The following OTOG variants were observed in gnomAD, a reference collection of about 807,000 sequenced individuals.
OTOG encodes the protein otogelin.
OTOG carries 296 observed loss-of-function variants against 313.8 expected under a neutral mutation model. That is an observed-to-expected ratio of 0.94 (90% CI 0.86 to 1.04). The LOEUF is 1.04. Ranked by LOEUF, OTOG falls within the 50% of genes least tolerant of loss-of-function variation. The probability of loss-of-function intolerance (pLI) is 0.00; values close to 1 mark genes in which losing one functional copy is unlikely to be tolerated. For missense variants in OTOG, 3,948 were observed against 3,840.1 expected (o/e 1.03, Z -0.74); for synonymous variants, 1,533 against 1,554.9 (o/e 0.99, Z 0.33).
intron 51 of OTOG, among the ~76,000 whole-genome samples, chr11:17,641,578 A>C (rs1332611290): frequency 6.6e-6 from 1 of 152,186 alleles, no homozygotes; most frequent in Non-Finnish European, 1.5e-5. Context: ...ACTAAGACTC[A>C]AATGGAGGTC....
intron 11 of OTOG, 113 bp downstream of exon 11, chr11:17,559,274 C>A: frequency 1.0e-6 from 1 of 1,004,158 alleles, no homozygotes; most frequent in Non-Finnish European, 1.4e-6. Context: ...AACTCTCAGC[C>A]CCGAGGTTTT....
intron 12 of OTOG, 85 bp from the exon 13 acceptor site, chr11:17,560,624 A>T: frequency 1.1e-6 from 1 of 922,688 alleles, no homozygotes; most frequent in Non-Finnish European, 1.7e-6. Context: ...AGATAAGGGG[A>T]TCTTTATCAG....
Position 17,635,604 on chromosome 11 carries a change from C to G in OTOG, c.7694-6C>G. On this transcript the variant is annotated splice_polypyrimidine_tract_variant and splice_region_variant and intron_variant, in intron 46 of 55. Transcript: ENST00000399397. ...CTGTGACAGCATTGACCCTCTTCCC[C>G]CTCAGCCTGTGGTGACTGTCCAGAC... is the stretch of plus-strand genomic sequence containing the variant. 6.5e-7 allele frequency: 1 copy of G among 1,549,284 alleles called. No homozygotes were observed. The highest frequency in any genetic ancestry group is 1.2e-5 in the South Asian group (1 of 84,016).
chr11:17,560,955 G>C, intron 13 of OTOG, 136 bp from the exon 14 acceptor site: 2 of 1,221,384 alleles, frequency 1.6e-6, no homozygotes, highest in Admixed American at 2.0e-5. Flanking sequence ...AGTCTCATTA[G>C]ATCCAATCCA....
At chr11:17,638,813 T>C (rs971284232) in intron 48 of OTOG, 58 of 1,453,390 alleles carry the variant, frequency 4.0e-5, no homozygotes, top group Middle Eastern at 1.8e-4. Flanking sequence ...AAGTCCTTAC[T>C]GCGGCCGGGC....
chr11:17,606,496 C>T (rs1346414192), intron 33 of OTOG, among the ~76,000 whole-genome samples: 1 of 152,240 alleles, frequency 6.6e-6, no homozygotes, highest in Non-Finnish European at 1.5e-5. Context: ...GGTCACATGT[C>T]TGCCCCATGA....
chr11:17,560,476 TG>T (rs1852156901), intron 12 of OTOG, among the ~76,000 whole-genome samples: 1 of 152,024 alleles, frequency 6.6e-6, no homozygotes, highest in Admixed American at 6.5e-5. Flanking sequence ...GTGTGCAGGT[TG>T]GGGATGGGGT....
At position 17,572,214 on chromosome 11, in the gene OTOG, TG is replaced by T; in HGVS notation, c.2080+15del. On this transcript the variant is annotated intron_variant, in intron 18 of 55. Coordinates refer to ENST00000399397, the MANE Select transcript of OTOG (RefSeq NM_001292063.2). ...GTGCACCTGCAAGCCGGTGAGTTGG[TG>T]GGGGAAGAGGAGAGGCATGGTTGAG... 6.5e-7 allele frequency: 1 copy of T among 1,550,078 alleles called. No individual in the cohort carries two copies. Among genetic ancestry groups the T allele is most frequent in the Non-Finnish European group, 8.7e-7 (1 of 1,146,718 alleles).
chr11:17,624,176 T>C (rs898778315), intron 39 of OTOG, among the ~76,000 whole-genome samples: 6 of 152,230 alleles, frequency 3.9e-5, no homozygotes, highest in Non-Finnish European at 5.9e-5. Flanking sequence ...CATTTGTCAA[T>C]TTTTGCTTTT....
chr11:17,612,087 C>G (rs1853567597), intron 36 of OTOG, 75 bp from the exon 37 acceptor site: 4 of 1,507,652 alleles, frequency 2.7e-6, no homozygotes, highest in Non-Finnish European at 2.7e-6. Context: ...TGGGAAGGAT[C>G]TGGTGCCATC....
At chr11:17,574,029 A>G (rs1852462222) in intron 19 of OTOG, among the ~76,000 whole-genome samples, 1 of 152,222 alleles carries the variant, frequency 6.6e-6, no homozygotes, top group African/African-American at 2.4e-5. Context: ...TCGAGTATCA[A>G]CGAAGGCAAC....
At chr11:17,634,428 C>G (rs1854210048) in intron 44 of OTOG, 147 bp downstream of exon 44, 3 of 908,910 alleles carry the variant, frequency 3.3e-6, no homozygotes, top group East Asian at 2.7e-5. Context: ...GGAGAACCCT[C>G]CCTGGGGGCA....
Position 17,612,483 on chromosome 11 carries a change from C to G in OTOG, c.6293-137C>G, listed in dbSNP as rs543311097. ...CTTGTGACCTCTGATCTGTGTGATG[C>G]GTGGTCTGAGCCACCCTCCAGACCC... On this transcript the variant is annotated intron_variant, in intron 37 of 55. Coordinates refer to ENST00000399397, the MANE Select transcript of OTOG (RefSeq NM_001292063.2). 7 of 1,378,512 alleles carry G rather than the reference C, an allele frequency of 5.1e-6. No individual in the cohort carries two copies. In the South Asian group the frequency reaches 8.8e-5, roughly 17 times the overall value. The allele number at this position is 1,378,512 out of a possible 1,614,324, so 85.4% of individuals were successfully genotyped here. A position where few individuals can be genotyped will look rare whatever the true frequency, so the allele number is the denominator to read the frequency against.
intron 24 of OTOG, 93 bp from the exon 25 acceptor site, chr11:17,591,357 T>C: frequency 6.7e-7 from 1 of 1,492,194 alleles, no homozygotes; most frequent in Middle Eastern, 1.7e-4. Flanking sequence ...AGGGACACAG[T>C]GCACATGCAT....
intron 22 of OTOG, 124 bp downstream of exon 22, chr11:17,577,035 G>A (rs1330700424): frequency 7.2e-6 from 7 of 972,056 alleles, no homozygotes; most frequent in South Asian, 6.9e-5. Flanking sequence ...TGGGCCTTCC[G>A]TATTCCTTGC....
chr11:17,629,206 T>A lies in OTOG; in HGVS notation c.6602T>A (p.Met2201Lys), dbSNP rs1240227424. ...YGFRIEDTGH[M>K]YMILTPSDIQ... ...TTCAGAATTGAGGACACAGGCCACA[T>A]GTACATGATCCTGACTCCCTCAGAC... Residue 2201 changes from methionine to lysine, a missense_variant, in exon 40 of 56, where the codon ATG (methionine) becomes AAG (lysine). Met to Lys is a moderately conservative substitution (Grantham distance 95, BLOSUM62 -1). Transcript: ENST00000399397. 8.4e-6 allele frequency: 13 copies of A among 1,550,600 alleles called. No individual in the cohort carries two copies. Among genetic ancestry groups the A allele is most frequent in the Non-Finnish European group, 1.0e-5 (12 of 1,146,998 alleles).
intron 39 of OTOG, among the ~76,000 whole-genome samples, chr11:17,614,014 T>C (rs1271030442): frequency 6.6e-6 from 1 of 152,042 alleles, no homozygotes; most frequent in Non-Finnish European, 1.5e-5. Context: ...CTTTTGCAAT[T>C]TTCACAAAAA....
chr11:17,571,758 C>CGTGT (rs149158412), intron 17 of OTOG, among the ~76,000 whole-genome samples: 9 of 150,202 alleles, frequency 6.0e-5, no homozygotes, highest in East Asian at 5.9e-4. Context: ...TGTGTGTCTG[C>CGTGT]GTGTGTGTGT....
In OTOG at chr11:17,581,388, A is replaced by G. The variant is rs890769352; in HGVS notation, c.2759+2862A>G. On this transcript the variant is annotated intron_variant, in intron 23 of 55. Transcript: ENST00000399397. Reference sequence around the variant, plus strand: ...AGGAGGGGTGAGATGCATCGTGGAAACAGGGAGATTCAGTGAAAAGCAAGT... The same window carrying G: ...AGGAGGGGTGAGATGCATCGTGGAAGCAGGGAGATTCAGTGAAAAGCAAGT... 2.0e-4 allele frequency among the ~76,000 whole-genome samples: 31 copies of G among 152,188 alleles called. 1 individual carries two copies. Among genetic ancestry groups the G allele is most frequent in the Non-Finnish European group, 4.4e-5 (3 of 68,030 alleles).
Sources: gnomAD v4.1 joint callset for allele counts (sites outside exome capture counted in the v4.1 genomes callset) on GRCh38, gnomAD v4.1.1 for gene constraint, MANE v1.5 for transcripts, NCBI Gene and HGNC (gene_info 2026-07-23, HGNC 2026-07-21) for gene names.